SGCD: variants seen among roughly 807,000 people sequenced by gnomAD.
SGCD encodes sarcoglycan delta.
A neutral mutation model predicts 36.6 loss-of-function variants in SGCD; 18 were observed. That is an observed-to-expected ratio of 0.49 (90% confidence interval 0.34 to 0.73). SGCD has a LOEUF of 0.73. SGCD is among the 30% of genes least tolerant of loss of function. SGCD has a pLI of 0.01. For missense variants in SGCD, 387 were observed against 346.7 expected (o/e 1.12, Z -0.92); for synonymous variants, 133 against 130.6 (o/e 1.02, Z -0.12).
chr5:156,519,833 T>C (rs1323965806), intron 4 of SGCD, among the ~76,000 whole-genome samples: 2 of 152,074 alleles, frequency 1.3e-5, no homozygotes, highest in Non-Finnish European at 2.9e-5. Context: ...GTTAAAAAAC[T>C]CCCAATAAAT....
chr5:155,925,644 C>G (rs1040326685), intron 1 of SGCD, among the ~76,000 whole-genome samples: 1 of 152,296 alleles, frequency 6.6e-6, no homozygotes, highest in Non-Finnish European at 1.5e-5. Flanking sequence ...GAGGCAGGAT[C>G]TTGCTCTGCT....
At chr5:156,127,812 C>T (rs1189482779) in intron 3 of SGCD, among the ~76,000 whole-genome samples, 2 of 91,728 alleles carry the variant, frequency 2.2e-5, no homozygotes, top group Non-Finnish European at 4.1e-5. Context: ...ATACCATACA[C>T]AAAAATCAGT....
At chr5:156,338,380 C>G (rs570196272) in intron 2 of SGCD, among the ~76,000 whole-genome samples, 2 of 152,298 alleles carry the variant, frequency 1.3e-5, no homozygotes, top group Admixed American at 6.5e-5. Flanking sequence ...ACAAAGCGGA[C>G]CAGCTGTGGA....
At chr5:156,541,632 G>A (rs1758350867) in intron 4 of SGCD, among the ~76,000 whole-genome samples, 1 of 152,136 alleles carries the variant, frequency 6.6e-6, no homozygotes, top group South Asian at 2.1e-4. Flanking sequence ...GGATGGTGAT[G>A]AAGGGGCGCA....
chr5:156,534,899 C>T (rs935993273), intron 4 of SGCD, among the ~76,000 whole-genome samples: 2 of 152,048 alleles, frequency 1.3e-5, no homozygotes, highest in African/African-American at 4.8e-5. Flanking sequence ...AGAAGAAAGC[C>T]CTGAGAAAAG....
At chr5:156,106,326 T>C (rs1761648105) in intron 1 of SGCD, among the ~76,000 whole-genome samples, 2 of 152,062 alleles carry the variant, frequency 1.3e-5, no homozygotes, top group African/African-American at 4.8e-5. Context: ...GTGATAGCTA[T>C]GTAAAAGTAG....
chr5:156,557,622 A>C (rs575845454), intron 4 of SGCD, among the ~76,000 whole-genome samples: 24 of 152,220 alleles, frequency 1.6e-4, no homozygotes, highest in African/African-American at 5.5e-4. Context: ...CCTATACTGG[A>C]AGATTATTAG....
the SGCD span, among the ~76,000 whole-genome samples, chr5:155,765,574 C>T: frequency 6.6e-6 from 1 of 152,088 alleles, no homozygotes; most frequent in Non-Finnish European, 1.5e-5. Context: ...TAACAGGACA[C>T]AAAATTGAAC....
chr5:155,769,692 G>T, the SGCD span, among the ~76,000 whole-genome samples: 1 of 152,162 alleles, frequency 6.6e-6, no homozygotes. Flanking sequence ...TAGCCTCAAA[G>T]TATCTTTCAT....
chr5:156,654,557 C>G (rs1213529544), intron 7 of SGCD, among the ~76,000 whole-genome samples: 1 of 151,998 alleles, frequency 6.6e-6, no homozygotes, highest in African/African-American at 2.4e-5. Context: ...ATAGCTTCTT[C>G]CAGACTCTCT....
At chr5:156,562,656 T>G (rs3846689) in intron 4 of SGCD, among the ~76,000 whole-genome samples, 46,018 of 151,790 alleles carry the variant, frequency 0.3, 7,087 homozygotes, top group Non-Finnish European at 0.32. Context: ...GACCATTCAA[T>G]TTGCTGTTTT....
At chr5:156,159,148 G>C (rs904269967) in intron 3 of SGCD, among the ~76,000 whole-genome samples, 16 of 151,494 alleles carry the variant, frequency 1.1e-4, no homozygotes, top group Non-Finnish European at 1.8e-4. Context: ...TGGCTATTTT[G>C]CAAGATTATT....
At chr5:155,918,337 C>A (rs907209222) in intron 1 of SGCD, among the ~76,000 whole-genome samples, 6 of 152,086 alleles carry the variant, frequency 3.9e-5, no homozygotes, top group African/African-American at 1.4e-4. Flanking sequence ...CTGAGGCGGG[C>A]AGATCACCTG....
At chr5:156,596,133 T>C (rs147340940) in intron 6 of SGCD, among the ~76,000 whole-genome samples, 1 of 152,310 alleles carries the variant, frequency 6.6e-6, no homozygotes, top group African/African-American at 2.4e-5. Flanking sequence ...CATCCACTTA[T>C]CAGAGCCCCT....
the SGCD span, among the ~76,000 whole-genome samples, chr5:155,823,889 G>A: frequency 6.6e-6 from 1 of 152,164 alleles, no homozygotes; most frequent in Non-Finnish European, 1.5e-5. Flanking sequence ...CATATTTGAT[G>A]TTCTTGTTCT....
chr5:156,211,089 A>G (rs931533825), intron 3 of SGCD, among the ~76,000 whole-genome samples: 8 of 152,326 alleles, frequency 5.3e-5, no homozygotes, highest in African/African-American at 1.7e-4. Context: ...TGGAGTTTCA[A>G]TAAGTCTAAT....
intron 3 of SGCD, among the ~76,000 whole-genome samples, chr5:156,186,980 G>A (rs936343126): frequency 5.3e-5 from 8 of 152,106 alleles, no homozygotes; most frequent in Non-Finnish European, 1.2e-4. Context: ...AGTCAAGAAT[G>A]TACCTCTTTT....
At chr5:156,072,240 A>G (rs927458298) in intron 1 of SGCD, among the ~76,000 whole-genome samples, 1 of 152,018 alleles carries the variant, frequency 6.6e-6, no homozygotes, top group Non-Finnish European at 1.5e-5. Context: ...GGTCTTTACA[A>G]TTTGGCATGA....
intron 6 of SGCD, among the ~76,000 whole-genome samples, chr5:156,607,768 T>C (rs1761545342): frequency 6.6e-6 from 1 of 152,320 alleles, no homozygotes; most frequent in South Asian, 2.1e-4. Context: ...CCTGGTTTAG[T>C]CTTGGGAGGG....
Sources: gnomAD v4.1 joint callset for allele counts (sites outside exome capture counted in the v4.1 genomes callset) on GRCh38, gnomAD v4.1.1 for gene constraint, MANE v1.5 for transcripts, NCBI Gene and HGNC (gene_info 2026-07-23, HGNC 2026-07-21) for gene names.